The following TRAP1 variants were observed in gnomAD, a reference collection of about 807,000 sequenced individuals.
TRAP1 encodes TNF receptor associated protein 1, also known as heat shock protein 75 kDa, mitochondrial.
A neutral mutation model predicts 89.1 loss-of-function variants in TRAP1; 102 were observed. The ratio of observed to expected loss-of-function variants is 1.15; its 90% confidence interval spans 0.98 to 1.35. The LOEUF is 1.35. Among genes scored for constraint, TRAP1 ranks in the 40% most tolerant of loss-of-function variants. The pLI is 0.00. For synonymous variants in TRAP1, 508 were observed against 388.0 expected (o/e 1.31, Z -3.64); for missense variants, 1,256 against 945.3 (o/e 1.33, Z -4.31).
At chr16:3,693,421 T>A (rs1038565802) in intron 1 of TRAP1, among the ~76,000 whole-genome samples, 6 of 151,426 alleles carry the variant, frequency 4.0e-5, no homozygotes, top group Non-Finnish European at 8.8e-5. Flanking sequence ...ACATTTCTTC[T>A]GGAATTAAAT....
At chr16:3,658,716 C>G (rs374867889) in intron 17 of TRAP1, 77 bp downstream of exon 17, 10 of 1,365,152 alleles carry the variant, frequency 7.3e-6, no homozygotes, top group African/African-American at 4.3e-5. Flanking sequence ...TAGAGGAAAC[C>G]GCTGTTCCAC....
intron 1 of TRAP1, among the ~76,000 whole-genome samples, chr16:3,692,266 T>G (rs929675728): frequency 6.6e-6 from 1 of 152,166 alleles, no homozygotes; most frequent in African/African-American, 2.4e-5. Flanking sequence ...AGGGGTGCGG[T>G]GGCTCACGCC....
intron 12 of TRAP1, 38 bp downstream of exon 12, chr16:3,665,933 G>T: frequency 6.3e-7 from 1 of 1,595,964 alleles, no homozygotes; most frequent in Non-Finnish European, 8.5e-7. Flanking sequence ...CCAGGGACAA[G>T]GTGGCCCAGA....
chr16:3,690,291 C>A (rs2051195794), intron 2 of TRAP1, among the ~76,000 whole-genome samples: 1 of 152,146 alleles, frequency 6.6e-6, no homozygotes, highest in South Asian at 2.1e-4. Flanking sequence ...CAAGTGTGAG[C>A]CACTGTGCCT....
At chr16:3,682,789 G>A (rs547245089) in intron 4 of TRAP1, among the ~76,000 whole-genome samples, 1 of 152,024 alleles carries the variant, frequency 6.6e-6, no homozygotes, top group Admixed American at 6.5e-5. Context: ...GAGCCCAGGA[G>A]GTCAAGGCTG....
chr16:3,667,476 T>A (rs2050851968), intron 11 of TRAP1, among the ~76,000 whole-genome samples: 1 of 151,196 alleles, frequency 6.6e-6, no homozygotes, highest in Admixed American at 6.6e-5. Flanking sequence ...ATACAAAAAA[T>A]TACCAGGGCA....
At chr16:3,659,761 A>AT (rs1666786337) in intron 16 of TRAP1, 1 of 143,216 alleles carries the variant, frequency 7.0e-6, no homozygotes, top group Non-Finnish European at 1.6e-5. Flanking sequence ...AGATAGATAG[A>AT]TAGATAGATA....
chr16:3,710,422 G>A (rs140946270), intron 1 of TRAP1: 1 of 152,258 alleles, frequency 6.6e-6, no homozygotes, highest in East Asian at 1.9e-4. Context: ...ATAGACGAAG[G>A]ATTCTTCACA....
In TRAP1 at chr16:3,658,144, G is replaced by A; in HGVS notation, c.2100C>T (p.Ala700=). 2 of 1,614,088 alleles carry A rather than the reference G, an allele frequency of 1.2e-6. No individual in the cohort carries two copies. Among genetic ancestry groups the A allele is most frequent in the Non-Finnish European group, 1.7e-6 (2 of 1,179,996 alleles). ...VGRLNELLVK[A]LERH ...CCCCTGGCTGTCAGTGTCGCTCCAG[G>A]GCCTTGACAAGCAGCTCATTCAAGC... Residue 700 remains alanine, a synonymous_variant, in exon 18 of 18, where the codon GCC becomes GCT. Coordinates refer to ENST00000246957, the MANE Select transcript of TRAP1 (RefSeq NM_016292.3).
chr16:3,710,782 G>A (rs2051517822), intron 1 of TRAP1, among the ~76,000 whole-genome samples: 1 of 151,508 alleles, frequency 6.6e-6, no homozygotes, highest in African/African-American at 2.4e-5. Context: ...CAGCAGCATT[G>A]CTGAATAGCC....
chr16:3,675,457 T>C, intron 7 of TRAP1, 60 bp from the exon 8 acceptor site: 2 of 1,550,386 alleles, frequency 1.3e-6, no homozygotes, highest in Non-Finnish European at 1.8e-6. Flanking sequence ...ACGCAAGCTT[T>C]GCAGCAGCTC....
chr16:3,667,127 G>A (rs1201253667), intron 11 of TRAP1, among the ~76,000 whole-genome samples: 1 of 152,130 alleles, frequency 6.6e-6, no homozygotes, highest in East Asian at 1.9e-4. Flanking sequence ...CAGGGAAGGT[G>A]TCTATGCAGG....
chr16:3,675,476 G>A, intron 7 of TRAP1, 79 bp from the exon 8 acceptor site: 2 of 1,406,498 alleles, frequency 1.4e-6, no homozygotes, highest in Non-Finnish European at 2.0e-6. Context: ...TCCAGGATGA[G>A]CGCCAGCCTG....
At chr16:3,705,354 C>T (rs1370406760) in intron 1 of TRAP1, among the ~76,000 whole-genome samples, 2 of 152,034 alleles carry the variant, frequency 1.3e-5, no homozygotes, top group East Asian at 3.9e-4. Context: ...CAGGCATGAG[C>T]CACCATGCCC....
chr16:3,664,535 C>T, intron 12 of TRAP1, 76 bp from the exon 13 acceptor site: 2 of 1,457,182 alleles, frequency 1.4e-6, no homozygotes, highest in Non-Finnish European at 1.8e-6. Context: ...GGGCGCAAAC[C>T]CTCCGATGCC....
chr16:3,666,176 C>A, intron 11 of TRAP1, 58 bp from the exon 12 acceptor site: 1 of 1,553,290 alleles, frequency 6.4e-7, no homozygotes, highest in Admixed American at 2.0e-5. Flanking sequence ...TACAAATGGC[C>A]AGAGGGTACG....
chr16:3,683,720 G>GAGT (rs2051102615), intron 4 of TRAP1, among the ~76,000 whole-genome samples: 1 of 151,386 alleles, frequency 6.6e-6, no homozygotes, highest in Non-Finnish European at 1.5e-5. Flanking sequence ...CTGGGTGTTG[G>GAGT]AGTAGATGGC....
At chr16:3,716,606 A>G (rs1287874998) in intron 1 of TRAP1, among the ~76,000 whole-genome samples, 1 of 147,460 alleles carries the variant, frequency 6.8e-6, no homozygotes, top group Non-Finnish European at 1.5e-5. Flanking sequence ...ACGTAGCACA[A>G]TGCATACATG....
At chr16:3,673,461 C>G (rs1163261077) in intron 9 of TRAP1, among the ~76,000 whole-genome samples, 1 of 152,366 alleles carries the variant, frequency 6.6e-6, no homozygotes, top group East Asian at 1.9e-4. Context: ...GAACCGGGAC[C>G]CACACCTCAT....
Sources: allele counts gnomAD v4.1 joint callset (sites outside exome capture counted in the v4.1 genomes callset), GRCh38; gene constraint gnomAD v4.1.1; transcripts MANE v1.5; gene names NCBI Gene and HGNC (gene_info 2026-07-23, HGNC 2026-07-21).